The following RGS5 variants were observed in gnomAD, a reference collection of about 807,000 sequenced individuals.
RGS5 encodes regulator of G protein signaling 5, also known as regulator of G-protein signalling 5.
In RGS5, 20 loss-of-function variants were observed where a neutral mutation model predicts 18.9. The observed-to-expected ratio is 1.06, with a 90% CI of 0.74 to 1.54. The LOEUF is 1.54. RGS5 is among the 40% of genes most tolerant of loss of function. RGS5 has a pLI of 0.00. For synonymous variants in RGS5, 57 were observed against 76.2 expected, an observed-to-expected ratio of 0.75 and a Z score of 1.31; for missense variants, 201 against 211.8, an observed-to-expected ratio of 0.95 and a Z score of 0.32.
At chr1:163,307,584 A>G (rs1649739018) in intron 1 of RGS5, among the ~76,000 whole-genome samples, 1 of 151,800 alleles carries the variant, frequency 6.6e-6, no homozygotes, top group Non-Finnish European at 1.5e-5. Flanking sequence ...TACTTCTGCA[A>G]CTTAATGGCA....
At chr1:163,254,845 C>G (rs370401008) in intron 2 of RGS5, among the ~76,000 whole-genome samples, 3,144 of 151,460 alleles carry the variant, frequency 0.021, 45 homozygotes, top group Non-Finnish European at 0.029. Flanking sequence ...GGAAGGGATC[C>G]AGTTTCAGCT....
chr1:163,158,195 G>A (rs1278620842), intron 3 of RGS5, among the ~76,000 whole-genome samples: 1 of 152,130 alleles, frequency 6.6e-6, no homozygotes, highest in Non-Finnish European at 1.5e-5. Flanking sequence ...GTCAAATATT[G>A]TCTCTTCAGG....
At chr1:163,262,778 T>C (rs1453383961) in intron 2 of RGS5, among the ~76,000 whole-genome samples, 1 of 150,842 alleles carries the variant, frequency 6.6e-6, no homozygotes, top group Non-Finnish European at 1.5e-5. Context: ...CCACCAACAG[T>C]GTAAAAGTGT....
chr1:163,236,689 C>T lies in RGS5; in HGVS notation c.-280-68321G>A, dbSNP rs369230268. 1.4e-4 allele frequency among the ~76,000 whole-genome samples: 22 copies of T among 152,204 alleles called. No individual in the cohort carries two copies. The East Asian group carries it at 2.7e-3, about 19-fold the overall frequency. ...ATATAAAAATGGCCAATGGGCCAGG[C>T]GCAGTGGCTCATGCCTGTAATCCCA... is the stretch of plus-strand genomic sequence containing the variant. On this transcript the variant is annotated intron_variant, in intron 2 of 5. Coordinates refer to the RGS5 transcript ENST00000618415.
At chr1:163,228,406 C>A (rs1431373852) in intron 2 of RGS5, among the ~76,000 whole-genome samples, 1 of 152,240 alleles carries the variant, frequency 6.6e-6, no homozygotes, top group Non-Finnish European at 1.5e-5. Flanking sequence ...CTGAGCTGTA[C>A]TCTGACCCCT....
chr1:163,311,689 G>A (rs979309576), intron 1 of RGS5, among the ~76,000 whole-genome samples: 1 of 152,140 alleles, frequency 6.6e-6, no homozygotes, highest in African/African-American at 2.4e-5. Flanking sequence ...TATTAAGTTT[G>A]TTCTCTTATA....
At position 163,184,638 on chromosome 1, in the gene RGS5, A is replaced by C. The variant is rs571265036; in HGVS notation, c.45-16270T>G. Among the ~76,000 whole-genome samples, 9 of 152,304 alleles carry C rather than the reference A, an allele frequency of 5.9e-5. No homozygotes were observed. The East Asian group carries it at 1.7e-3, about 29-fold the overall frequency. ...GGATTATCTAAGTTGGCCCAATATAATTACAAGAATCCTTGTAAGAAGAAG... is the reference window on the plus strand; with the variant it reads ...GGATTATCTAAGTTGGCCCAATATACTTACAAGAATCCTTGTAAGAAGAAG... On this transcript the variant is annotated intron_variant, in intron 1 of 4. Transcript: ENST00000313961.
intron 1 of RGS5, chr1:163,319,355 C>G (rs1046322537): frequency 6.6e-6 from 1 of 152,164 alleles, no homozygotes; most frequent in Non-Finnish European, 1.5e-5. Context: ...CAGATGCATA[C>G]GAATGTGTTA....
chr1:163,222,164 G>A (rs942385786), upstream of RGS5, among the ~76,000 whole-genome samples: 5 of 152,066 alleles, frequency 3.3e-5, no homozygotes, highest in Non-Finnish European at 2.9e-5. Flanking sequence ...GTACCAGTTC[G>A]TGACCTGTTA....
At chr1:163,222,099 G>T (rs1415306690), upstream of RGS5, among the ~76,000 whole-genome samples, 2 of 151,780 alleles carry the variant, frequency 1.3e-5, no homozygotes, top group Non-Finnish European at 2.9e-5. Context: ...GGACTTACTC[G>T]GCCAAAATTC....
intron 2 of RGS5, among the ~76,000 whole-genome samples, chr1:163,266,163 T>C (rs2101708931): frequency 6.6e-6 from 1 of 152,230 alleles, no homozygotes; most frequent in African/African-American, 2.4e-5. Flanking sequence ...CCCCAATTTA[T>C]GGCAAGACCC....
intron 2 of RGS5, among the ~76,000 whole-genome samples, chr1:163,302,924 C>T (rs1649590292): frequency 6.6e-6 from 1 of 152,154 alleles, no homozygotes; most frequent in African/African-American, 2.4e-5. Flanking sequence ...CTCATGAACT[C>T]ATCACTTTTT....
In RGS5 at chr1:163,170,647, G is replaced by A. The variant is rs1355203948; in HGVS notation, c.45-2279C>T. Reference sequence around the variant, plus strand: ...CTAATTATAACATATTTTCCTTTAGGCTAGTAAATATGGTTTTGAAAACTA... The same window carrying A: ...CTAATTATAACATATTTTCCTTTAGACTAGTAAATATGGTTTTGAAAACTA... On this transcript the variant is annotated intron_variant, in intron 1 of 4. Coordinates refer to ENST00000313961, the MANE Select transcript of RGS5 (RefSeq NM_003617.4). Among the ~76,000 whole-genome samples, 3 of 152,122 alleles carry A rather than the reference G, an allele frequency of 2.0e-5. No individual in the cohort carries two copies. The East Asian group carries it at 5.8e-4, about 29-fold the overall frequency.
chr1:163,225,853 G>A (rs1168627131), intron 2 of RGS5, among the ~76,000 whole-genome samples: 2 of 151,992 alleles, frequency 1.3e-5, no homozygotes, highest in Non-Finnish European at 2.9e-5. Context: ...ATCTTCAAAG[G>A]ACTATTTCCT....
chr1:163,190,437 G>A (rs1031279154), intron 1 of RGS5, among the ~76,000 whole-genome samples: 2 of 152,190 alleles, frequency 1.3e-5, no homozygotes, highest in African/African-American at 4.8e-5. Context: ...GGGGATGGCA[G>A]TGCCTGGAAA....
chr1:163,272,060 T>A (rs529967549), intron 2 of RGS5, among the ~76,000 whole-genome samples: 22 of 152,142 alleles, frequency 1.4e-4, no homozygotes, highest in African/African-American at 4.8e-4. Flanking sequence ...TTTTCTTTTT[T>A]TCTTAGGTGA....
intron 2 of RGS5, among the ~76,000 whole-genome samples, chr1:163,303,331 G>A (rs1328063190): frequency 6.6e-6 from 1 of 152,140 alleles, no homozygotes; most frequent in African/African-American, 2.4e-5. Flanking sequence ...GGTATCATTA[G>A]CACTGGCTGA....
chr1:163,181,842 C>T (rs1204964976), intron 1 of RGS5, among the ~76,000 whole-genome samples: 1 of 152,118 alleles, frequency 6.6e-6, no homozygotes, highest in Non-Finnish European at 1.5e-5. Context: ...CTCCGCACTG[C>T]TTGGGTTTAT....
intron 1 of RGS5, among the ~76,000 whole-genome samples, chr1:163,197,136 G>A (rs1295245630): frequency 1.3e-5 from 2 of 152,082 alleles, no homozygotes; most frequent in Non-Finnish European, 2.9e-5. Context: ...TGCCCAGGAG[G>A]TTAACTGTGG....
Sources: allele counts gnomAD v4.1 joint callset (sites outside exome capture counted in the v4.1 genomes callset), GRCh38; gene constraint gnomAD v4.1.1; transcripts MANE v1.5; gene names NCBI Gene and HGNC (gene_info 2026-07-23, HGNC 2026-07-21).